Variants in USP31 observed in about 807,000 individuals in gnomAD.
USP31 encodes ubiquitin carboxyl-terminal hydrolase 31.
In USP31, 44 loss-of-function variants were observed where a neutral mutation model predicts 119.4. That is an observed-to-expected ratio of 0.37 (90% CI 0.29 to 0.47). The LOEUF (loss-of-function observed/expected upper bound fraction) is 0.47, where lower values mean the gene tolerates loss of function less well. Ranked by LOEUF, USP31 falls within the 20% of genes least tolerant of loss-of-function variation. USP31 has a pLI of 0.99. For synonymous variants in USP31, 749 were observed against 705.6 expected, an observed-to-expected ratio of 1.06 and a Z score of -0.97; for missense variants, 1,643 against 1,730.2, an observed-to-expected ratio of 0.95 and a Z score of 0.89.
chr16:23,119,185 G>A (rs62031865), intron 1 of USP31, among the ~76,000 whole-genome samples: 28,382 of 149,248 alleles, frequency 0.19, 3,438 homozygotes, highest in Non-Finnish European at 0.28. Flanking sequence ...TGCGACCTCC[G>A]CCTCCCGAGT....
At chr16:23,097,288 C>T (rs186437786) in intron 6 of USP31, among the ~76,000 whole-genome samples, 1 of 152,180 alleles carries the variant, frequency 6.6e-6, no homozygotes, top group Non-Finnish European at 1.5e-5. Context: ...CAAGACTAAA[C>T]CAGGCAGAAG....
At chr16:23,091,801 A>C (rs1439788664) in intron 6 of USP31, among the ~76,000 whole-genome samples, 3 of 152,252 alleles carry the variant, frequency 2.0e-5, no homozygotes, top group Non-Finnish European at 4.4e-5. Context: ...AAGCCACTAG[A>C]GGGAAGAAAA....
Position 23,067,977 on chromosome 16 carries a change from T to C in USP31, c.*69A>G, listed in dbSNP as rs1014426388. On this transcript the variant is annotated 3_prime_UTR_variant, in exon 16 of 16. Coordinates refer to ENST00000219689, the MANE Select transcript of USP31 (RefSeq NM_020718.4). ...GTACAAAACAAAAGCACAGGAGGCT[T>C]TGGTGGGAGGGCAGGGGTTCTAAAT... 92 of 1,522,738 alleles carry C rather than the reference T, an allele frequency of 6.0e-5. No individual in the cohort carries two copies. The highest frequency in any genetic ancestry group is 7.8e-5 in the Non-Finnish European group (89 of 1,140,638). The allele number at this position is 1,522,738 out of a possible 1,614,324, so 94.3% of individuals were successfully genotyped here.
intron 6 of USP31, among the ~76,000 whole-genome samples, chr16:23,094,098 G>A (rs1901494125): frequency 1.3e-5 from 2 of 152,196 alleles, no homozygotes; most frequent in Non-Finnish European, 1.5e-5. Flanking sequence ...CTAGCCAAGG[G>A]AAGCTGTGAC....
intron 11 of USP31, among the ~76,000 whole-genome samples, chr16:23,084,413 G>A (rs1009956608): frequency 1.3e-5 from 2 of 152,124 alleles, no homozygotes; most frequent in Non-Finnish European, 1.5e-5. Context: ...CTTGAAACAT[G>A]ACTAATGCAA....
At chr16:23,132,095 C>T (rs769978065) in intron 1 of USP31, among the ~76,000 whole-genome samples, 52 of 152,254 alleles carry the variant, frequency 3.4e-4, no homozygotes, top group Admixed American at 1.2e-3. Context: ...CAGTCCATGG[C>T]TTAAAACAAT....
At position 23,069,420 on chromosome 16, in the gene USP31, G is replaced by C. The variant is rs771069353; in HGVS notation, c.2685C>G (p.Thr895=). The C allele has an allele frequency of 1.2e-6, 2 of 1,614,084 alleles. No individual in the cohort carries two copies. Among genetic ancestry groups the C allele is most frequent in the Non-Finnish European group, 1.7e-6 (2 of 1,179,936 alleles). The change falls in exon 16 of 16, where the codon ACC becomes ACG. Residue 895 remains threonine, a synonymous_variant. Transcript: ENST00000219689. The stretch of plus-strand genomic sequence containing the variant: ...CTGCTGCCTCCCCAATCTTCTCCAA[G>C]GTGGAAGCAGAGCTGTGAATTGGCG... ...GDSPIHSSAS[T]LEKIGEAADD... is the part of the protein sequence containing the mutation.
At chr16:23,084,780 A>G in intron 11 of USP31, 80 bp downstream of exon 11, 1 of 1,572,760 alleles carries the variant, frequency 6.4e-7, no homozygotes, top group Non-Finnish European at 8.6e-7. Flanking sequence ...CTGGGGCGTG[A>G]TTTGTTTCTC....
rs1307051518 is a variant in USP31, at chr16:23,064,211, A to AATT, written c.*3832_*3834dup. 6.5e-5 allele frequency: 10 copies of AATT among 152,760 alleles called. No individual in the cohort carries two copies. Among genetic ancestry groups the AATT allele is most frequent in the African/African-American group, 2.2e-4 (9 of 41,574 alleles). The allele number at this position is 152,760 out of a possible 1,614,324, so 9.5% of individuals were successfully genotyped here. The stretch of plus-strand genomic sequence containing the variant: ...CACTAGTTAAATCTTTGTATCCAAT[A>AATT]ATTATAATAACCTACATTGGAAACA... On this transcript the variant is annotated 3_prime_UTR_variant, in exon 16 of 16. Transcript: ENST00000219689.
At chr16:23,138,629 T>G (rs1413262811) in intron 1 of USP31, among the ~76,000 whole-genome samples, 1 of 152,164 alleles carries the variant, frequency 6.6e-6, no homozygotes, top group East Asian at 1.9e-4. Flanking sequence ...GTGGGCCTCC[T>G]CCCATTCTAC....
At chr16:23,142,033 G>A (rs936055615) in intron 1 of USP31, among the ~76,000 whole-genome samples, 3 of 152,186 alleles carry the variant, frequency 2.0e-5, no homozygotes, top group African/African-American at 7.2e-5. Flanking sequence ...TTCTCTGACG[G>A]CATGAACCTA....
At chr16:23,136,050 T>C (rs1315615907) in intron 1 of USP31, among the ~76,000 whole-genome samples, 1 of 152,168 alleles carries the variant, frequency 6.6e-6, no homozygotes, top group African/African-American at 2.4e-5. Context: ...AACCCTCGCA[T>C]ATATGATCAA....
intron 1 of USP31, among the ~76,000 whole-genome samples, chr16:23,140,838 G>A (rs766797034): frequency 2.2e-4 from 34 of 152,120 alleles, no homozygotes; most frequent in Non-Finnish European, 4.3e-4. Flanking sequence ...GAGTTATTCT[G>A]GATGCTCTCC....
chr16:23,073,478 T>A (rs770695981), intron 14 of USP31, among the ~76,000 whole-genome samples: 2 of 152,128 alleles, frequency 1.3e-5, no homozygotes, highest in Non-Finnish European at 2.9e-5. Context: ...GAACACATCA[T>A]GAGCTTTCTT....
At chr16:23,084,821 C>T (rs758004166) in intron 11 of USP31, 39 bp downstream of exon 11, 180 of 1,611,202 alleles carry the variant, frequency 1.1e-4, no homozygotes, top group Non-Finnish European at 1.5e-4. Context: ...CCACTCCCCA[C>T]TGCCCTGAGC....
rs1900061877 is a variant in USP31 at position 23,066,207 on chromosome 16, A to G, written c.*1839T>C. 6.6e-6 allele frequency: 1 copy of G among 152,598 alleles called. No homozygotes were observed. Among genetic ancestry groups the G allele is most frequent in the African/African-American group, 2.4e-5 (1 of 41,458 alleles). 9.5% of individuals were successfully genotyped at this position (152,598 alleles called of 1,614,324 possible). On this transcript the variant is annotated 3_prime_UTR_variant, in exon 16 of 16. Transcript: ENST00000219689. ...TGAGTGCAATGGACAACAGGCTCACAGTCAATGAATCACATGGAGCACTGT... is the reference window on the plus strand; with the variant it reads ...TGAGTGCAATGGACAACAGGCTCACGGTCAATGAATCACATGGAGCACTGT...
rs1567222768 is a variant in USP31, at chr16:23,068,445, C to T, written c.3660G>A (p.Lys1220=). ...AGAAGGACAGCCCCTTGTCCTCAGA[C>T]TTGCTGTCCCTCTTCAAACCAGACT... ...SIKSGLKRDS[K]SEDKGLSFFK... The change falls in exon 16 of 16, where the codon AAG becomes AAA. Residue 1220 remains lysine (K), a synonymous_variant. Transcript: ENST00000219689. 6.2e-7 allele frequency: 1 copy of T among 1,613,774 alleles called. No homozygotes were observed. The highest frequency in any genetic ancestry group is 8.5e-7 in the Non-Finnish European group (1 of 1,179,990).
Position 23,061,670 on chromosome 16 carries a change from A to G in USP31, c.*6376T>C, listed in dbSNP as rs1365376684. On this transcript the variant is annotated 3_prime_UTR_variant, in exon 16 of 16. Transcript: ENST00000219689. ...TACACTTTTCTTCCAGCCTCTAGGAAAGACATCCTGCCTTCCATATTACTG... is the reference window on the plus strand; with the variant it reads ...TACACTTTTCTTCCAGCCTCTAGGAGAGACATCCTGCCTTCCATATTACTG... 1 of 152,642 alleles carries G rather than the reference A, an allele frequency of 6.6e-6. No homozygotes were observed. The highest frequency in any genetic ancestry group is 6.5e-5 in the Admixed American group (1 of 15,288). 9.5% of individuals were successfully genotyped at this position (152,642 alleles called of 1,614,324 possible). A position where few individuals can be genotyped will look rare whatever the true frequency, so the allele number is the denominator to read the frequency against.
At chr16:23,115,481 CCT>C in intron 1 of USP31, among the ~76,000 whole-genome samples, 1 of 151,842 alleles carries the variant, frequency 6.6e-6, no homozygotes. Flanking sequence ...ATATCGAGAC[CCT>C]GTCTCTATTT....
Sources: gnomAD v4.1 joint callset for allele counts (sites outside exome capture counted in the v4.1 genomes callset) on GRCh38, gnomAD v4.1.1 for gene constraint, MANE v1.5 for transcripts, NCBI Gene and HGNC (gene_info 2026-07-23, HGNC 2026-07-21) for gene names.